Variants in POLR3D observed in about 807,000 individuals in gnomAD.
POLR3D encodes the protein DNA-directed RNA polymerase III subunit RPC4.
In POLR3D, 42 loss-of-function variants were observed where a neutral mutation model predicts 44.5. The ratio of observed to expected loss-of-function variants is 0.94; its 90% CI spans 0.74 to 1.22. POLR3D has a LOEUF of 1.22. POLR3D is among the 50% of genes most tolerant of loss of function. The pLI is 0.00. For synonymous variants in POLR3D, 217 were observed against 198.1 expected (o/e 1.10, Z -0.80); for missense variants, 507 against 505.2 (o/e 1.00, Z -0.03).
intron 8 of POLR3D, 75 bp downstream of exon 8, chr8:22,250,302 G>A (rs373944421): frequency 4.3e-6 from 7 of 1,609,322 alleles, no homozygotes; most frequent in Non-Finnish European, 5.9e-6. Flanking sequence ...GCTAAATAAG[G>A]GAGGGGGTTT....
In POLR3D at chr8:22,249,308, G is replaced by A. The variant is rs759472761; in HGVS notation, c.920G>A (p.Arg307Gln). ...QVVLIKQEKDREAKLAENACT... is the reference protein window; with the variant it reads ...QVVLIKQEKDQEAKLAENACT... ...GTGCTCATCAAGCAGGAGAAAGACC[G>A]AGTACGCTCAGACAGAGGCCTGCGG... Residue 307 changes from arginine (R) to glutamine (Q), a missense_variant and splice_region_variant, in exon 7 of 9, where the codon CGA becomes CAA. Coordinates refer to ENST00000306433, the MANE Select transcript of POLR3D (RefSeq NM_001722.3). The A allele has an allele frequency of 4.7e-5, 76 of 1,613,396 alleles. No individual in the cohort carries two copies. The highest frequency in any genetic ancestry group is 8.8e-5 in the South Asian group (8 of 91,062).
intron 1 of POLR3D, 70 bp from the exon 2 acceptor site, chr8:22,245,375 A>G: frequency 8.4e-7 from 1 of 1,193,034 alleles, no homozygotes; most frequent in Non-Finnish European, 1.1e-6. Flanking sequence ...CCGGAAAGCA[A>G]GGGGGTGGGG....
Position 22,248,567 on chromosome 8 carries a change from A to G in POLR3D, c.573A>G (p.Glu191=). The change falls in exon 6 of 9, where the codon GAA becomes GAG. Residue 191 remains glutamate (E), a synonymous_variant. Coordinates refer to ENST00000306433, the MANE Select transcript of POLR3D (RefSeq NM_001722.3). ...CTCACTCAGGATGGCTTTTTAAGGA[A>G]GAAAATGACGAACCAGATGTTAAAC... ...PLAHSGWLFK[E]ENDEPDVKPW... is the part of the protein sequence containing the mutation. 6.2e-7 allele frequency: 1 copy of G among 1,614,202 alleles called. No individual in the cohort carries two copies.
rs748741666 is a variant in POLR3D, at chr8:22,250,136, A to G, written c.983A>G (p.Lys328Arg). 2 of 1,614,172 alleles carry G rather than the reference A, an allele frequency of 1.2e-6. No individual in the cohort carries two copies. Among genetic ancestry groups the G allele is most frequent in the Non-Finnish European group, 8.5e-7 (1 of 1,180,032 alleles). The change falls in exon 8 of 9, where the codon AAG becomes AGG. Residue 328 changes from lysine to arginine, a missense_variant. By Grantham distance (26) the Lys-to-Arg change is conservative. Transcript: ENST00000306433. ...GACCTGACAGAGGGTCAGGTTGGCA[A>G]GCTACTCATCCGCAAGTCTGGAAGG... is the stretch of plus-strand genomic sequence containing the variant. ...LADLTEGQVG[K>R]LLIRKSGRVQ...
chr8:22,253,490 G>C lies in POLR3D; in HGVS notation c.*2972G>C, dbSNP rs902514438. On this transcript the variant is annotated 3_prime_UTR_variant, in exon 9 of 9. Coordinates refer to ENST00000306433, the MANE Select transcript of POLR3D (RefSeq NM_001722.3). Reference sequence around the variant, plus strand: ...AGGGAGGAAGCTGGAGTGGCAGTTGGATAGACAATTCATAGTAGCTGCTGC... The same window carrying C: ...AGGGAGGAAGCTGGAGTGGCAGTTGCATAGACAATTCATAGTAGCTGCTGC... 1 of 152,182 alleles carries C rather than the reference G, an allele frequency of 6.6e-6. No homozygotes were observed. Among genetic ancestry groups the C allele is most frequent in the African/African-American group, 2.4e-5 (1 of 41,432 alleles). 9.4% of individuals were successfully genotyped at this position (152,182 alleles called of 1,614,324 possible).
rs1312241684 is a variant in POLR3D at position 22,248,296 on chromosome 8, GGGGGAA to G, written c.486+23_486+28del. 1 of 1,611,848 alleles carries G rather than the reference GGGGGAA, an allele frequency of 6.2e-7. No individual in the cohort carries two copies. Among genetic ancestry groups the G allele is most frequent in the Non-Finnish European group, 8.5e-7 (1 of 1,178,838 alleles). ...AGGACGATGTGGGTACCAGGAGGCT[GGGGGAA>G]GGGGTTTCCTTGTGGCTGTAGAACA... is the stretch of plus-strand genomic sequence containing the variant. On this transcript the variant is annotated intron_variant, in intron 5 of 8. Transcript: ENST00000306433.
Position 22,250,260 on chromosome 8 carries a change from T to G in POLR3D, c.1074+33T>G, listed in dbSNP as rs369919515. On this transcript the variant is annotated intron_variant, in intron 8 of 8. Transcript: ENST00000306433. ...CCTCCTTAGGGGCAAGGAGGGACCC[T>G]TTCAGGAGTGAAGGAGGATTGAAGA... 6.8e-6 allele frequency: 11 copies of G among 1,613,008 alleles called. No homozygotes were observed. In the African/African-American group the frequency reaches 1.5e-4, roughly 22 times the overall value.
chr8:22,247,379 T>C (rs1830054453), intron 3 of POLR3D, 115 bp downstream of exon 3: 1 of 714,712 alleles, frequency 1.4e-6, no homozygotes, highest in African/African-American at 1.8e-5. Flanking sequence ...TCTTTAGTTC[T>C]TTTCACTAGT....
rs1299919563 is a variant in POLR3D at position 22,250,108 on chromosome 8, G to A, written c.955G>A (p.Ala319Thr). 6.2e-7 allele frequency: 1 copy of A among 1,614,100 alleles called. No individual in the cohort carries two copies. The highest frequency in any genetic ancestry group is 2.2e-5 in the East Asian group (1 of 44,870). ...ATTGGCAGAGAATGCTTGTACCCTG[G>A]CTGACCTGACAGAGGGTCAGGTTGG... is the stretch of plus-strand genomic sequence containing the variant. ...AKLAENACTL[A>T]DLTEGQVGKL... The change falls in exon 8 of 9, where the codon GCT becomes ACT. Residue 319 changes from alanine (A) to threonine (T), a missense_variant. Ala to Thr is a moderately conservative substitution (Grantham distance 58). Coordinates refer to ENST00000306433, the MANE Select transcript of POLR3D (RefSeq NM_001722.3).
At chr8:22,248,963 G>A in intron 6 of POLR3D, 81 bp from the exon 7 acceptor site, 1 of 1,507,112 alleles carries the variant, frequency 6.6e-7, no homozygotes, top group Non-Finnish European at 9.1e-7. Flanking sequence ...CAGTGGAGCA[G>A]ACAGGGGCAA....
intron 7 of POLR3D, 34 bp from the exon 8 acceptor site, chr8:22,250,041 T>G (rs1284958567): frequency 6.2e-7 from 1 of 1,612,042 alleles, no homozygotes. Context: ...AAAGAGCTCC[T>G]AGCCCAGTGT....
chr8:22,245,474 G>C lies in POLR3D; in HGVS notation c.25G>C (p.Glu9Gln). The C allele has an allele frequency of 2.3e-6, 3 of 1,309,430 alleles. No homozygotes were observed. The highest frequency in any genetic ancestry group is 2.9e-6 in the Non-Finnish European group (3 of 1,021,368). The allele number at this position is 1,309,430 out of a possible 1,614,324, so 81.1% of individuals were successfully genotyped here. Residue 9 changes from glutamate to glutamine, a missense_variant, in exon 2 of 9, where the codon GAG (glutamate) becomes CAG (glutamine). Coordinates refer to ENST00000306433, the MANE Select transcript of POLR3D (RefSeq NM_001722.3). The part of the protein sequence containing the change: MSEGNAAG[E>Q]PSTPGGPRPL... ...CATGTCGGAAGGAAACGCCGCCGGC[G>C]AGCCCAGCACGCCGGGAGGGCCCCG...
Position 22,252,917 on chromosome 8 carries a change from T to C in POLR3D, c.*2399T>C, listed in dbSNP as rs1302120121. ...AAAAAATCACTTATCCTCTTTAAGC[T>C]TGATTTTATTTATTTTATTTTATGT... On this transcript the variant is annotated 3_prime_UTR_variant, in exon 9 of 9. Coordinates refer to ENST00000306433, the MANE Select transcript of POLR3D (RefSeq NM_001722.3). The C allele has an allele frequency of 6.6e-6, 1 of 152,210 alleles. No individual in the cohort carries two copies. The highest frequency in any genetic ancestry group is 1.5e-5 in the Non-Finnish European group (1 of 68,038). 9.4% of individuals were successfully genotyped at this position (152,210 alleles called of 1,614,324 possible).
chr8:22,250,336 ACAGCTCTACACG>A (rs762102224), intron 8 of POLR3D, 48 bp from the exon 9 acceptor site: 92 of 1,610,854 alleles, frequency 5.7e-5, no homozygotes, highest in Non-Finnish European at 7.8e-5. Context: ...GTCCCCATTC[ACAGCTCTACACG>A]CCGGGCACGT....
In POLR3D at chr8:22,250,575, A is replaced by G; in HGVS notation, c.*57A>G. ...CCCACGGCTGCTGCCTGCTCCAGAC[A>G]TTTTGTTCTTGAATCTGTGAGACCC... is the stretch of plus-strand genomic sequence containing the variant. On this transcript the variant is annotated 3_prime_UTR_variant, in exon 9 of 9. Coordinates refer to ENST00000306433, the MANE Select transcript of POLR3D (RefSeq NM_001722.3). 1 of 1,609,510 alleles carries G rather than the reference A, an allele frequency of 6.2e-7. No homozygotes were observed. The highest frequency in any genetic ancestry group is 1.7e-5 in the Admixed American group (1 of 59,900).
rs375226275 is a variant in POLR3D at position 22,247,919 on chromosome 8, A to C, written c.272A>C (p.Glu91Ala). 275 of 1,613,998 alleles carry C rather than the reference A, an allele frequency of 1.7e-4. 1 individual carries two copies. The highest frequency in any genetic ancestry group is 2.2e-4 in the Non-Finnish European group (263 of 1,180,008). ...GAAAGGGACAGAGACCGACAACGAG[A>C]GGGGCATGGACGAGGGCGAGGCCGT... The part of the protein sequence containing the change: ...KRERDRDRQR[E>A]GHGRGRGRPE... The change falls in exon 4 of 9, where the codon GAG becomes GCG. Residue 91 changes from glutamate to alanine, a missense_variant. By Grantham distance (107) the Glu-to-Ala change is moderately radical (BLOSUM62 -1). Transcript: ENST00000306433.
At chr8:22,245,393 A>G in intron 1 of POLR3D, 52 bp from the exon 2 acceptor site, 3 of 1,284,400 alleles carry the variant, frequency 2.3e-6, no homozygotes, top group Non-Finnish European at 3.0e-6. Context: ...GGGTTCCGCC[A>G]GGGTCCGCGT....
intron 7 of POLR3D, among the ~76,000 whole-genome samples, chr8:22,249,727 C>T (rs7001697): frequency 0.67 from 101,110 of 151,898 alleles, 35,423 homozygotes; most frequent in East Asian, 0.87. Flanking sequence ...GAGGCTGAGG[C>T]GGGGGAATGG....
rs1197001408 is a variant in POLR3D at position 22,248,713 on chromosome 8, A to T, written c.655+64A>T. The T allele has an allele frequency of 4.6e-6, 7 of 1,508,480 alleles. No individual in the cohort carries two copies. In the East Asian group the frequency reaches 9.0e-5, roughly 19 times the overall value. The allele number at this position is 1,508,480 out of a possible 1,614,324, so 93.4% of individuals were successfully genotyped here. On this transcript the variant is annotated intron_variant, in intron 6 of 8. Coordinates refer to ENST00000306433, the MANE Select transcript of POLR3D (RefSeq NM_001722.3). ...CTGCTCCCCAGGAATCCCGTGCATC[A>T]GGCATCCCTTGCATGTGCCCCTGAC...
Sources: allele counts gnomAD v4.1 joint callset (sites outside exome capture counted in the v4.1 genomes callset), GRCh38; gene constraint gnomAD v4.1.1; transcripts MANE v1.5; gene names NCBI Gene and HGNC (gene_info 2026-07-23, HGNC 2026-07-21).